Variants in CNTN4 observed in about 807,000 individuals in gnomAD.
The protein encoded by CNTN4 is contactin 4, also known as contactin-4.
Under a neutral mutation model 122.5 loss-of-function variants are expected in CNTN4, and 77 were observed. The ratio of observed to expected loss-of-function variants is 0.63; its 90% CI spans 0.52 to 0.76. The LOEUF is 0.76. CNTN4 is among the 30% of genes least tolerant of loss of function. The pLI, the probability that CNTN4 is intolerant of heterozygous loss-of-function variation, is 0.00. For missense variants in CNTN4, 1,256 were observed against 1,259.1 expected, an observed-to-expected ratio of 1.00 and a Z score of 0.04; for synonymous variants, 512 against 447.0, an observed-to-expected ratio of 1.15 and a Z score of -1.83.
intron 7 of CNTN4, among the ~76,000 whole-genome samples, chr3:2,834,138 C>A (rs12634283): frequency 6.6e-6 from 1 of 151,686 alleles, no homozygotes; most frequent in South Asian, 2.1e-4. Context: ...AGCAAGACTT[C>A]GTCTCAAAAA....
intron 14 of CNTN4, among the ~76,000 whole-genome samples, chr3:3,018,536 G>C (rs539986173): frequency 1.9e-4 from 29 of 152,304 alleles, no homozygotes; most frequent in Non-Finnish European, 3.4e-4. Flanking sequence ...TGGAGACATG[G>C]CTGTGGGTGG....
intron 4 of CNTN4, among the ~76,000 whole-genome samples, chr3:2,706,969 T>G (rs1462630118): frequency 6.6e-6 from 1 of 151,484 alleles, no homozygotes; most frequent in East Asian, 1.9e-4. Context: ...AGCACTAGAT[T>G]ATGTGTATGT....
intron 4 of CNTN4, among the ~76,000 whole-genome samples, chr3:2,587,488 C>G (rs1184740799): frequency 1.3e-5 from 2 of 152,170 alleles, no homozygotes; most frequent in African/African-American, 4.8e-5. Flanking sequence ...TTTAGTTCTT[C>G]AGCAGGGTTC....
At chr3:2,963,538 C>T (rs1302401503) in intron 13 of CNTN4, among the ~76,000 whole-genome samples, 1 of 152,164 alleles carries the variant, frequency 6.6e-6, no homozygotes, top group African/African-American at 2.4e-5. Flanking sequence ...TCCTTAGGGC[C>T]TTTGCACTTG....
At chr3:3,036,424 C>T (rs1699610770) in intron 17 of CNTN4, among the ~76,000 whole-genome samples, 1 of 152,110 alleles carries the variant, frequency 6.6e-6, no homozygotes, top group South Asian at 2.1e-4. Context: ...CTCTATACAT[C>T]TTCATTTTCC....
intron 2 of CNTN4, among the ~76,000 whole-genome samples, chr3:2,101,933 TTCA>T (rs1227684110): frequency 6.6e-6 from 1 of 152,220 alleles, no homozygotes; most frequent in African/African-American, 2.4e-5. Context: ...TGCTCTGCTG[TTCA>T]TCATCTCTGA....
rs756588728 is a variant in CNTN4, at chr3:3,040,176, A to C, written c.2303A>C (p.His768Pro). The C allele has an allele frequency of 3.1e-6, 5 of 1,614,180 alleles. No individual in the cohort carries two copies. Among genetic ancestry groups the C allele is most frequent in the Admixed American group, 3.3e-5 (2 of 60,024 alleles). ...TACGTGTTCAGGAATGAGAGCGTGC[A>C]CCCCTTCTCTCCCTTTGAGGTTAAA... ...SRYVFRNESV[H>P]PFSPFEVKVG... The change falls in exon 20 of 25, where the codon CAC (histidine) becomes CCC (proline). Residue 768 changes from histidine (H) to proline (P), a missense_variant. Transcript: ENST00000418658.
At chr3:2,357,222 C>T (rs1029122956) in intron 3 of CNTN4, among the ~76,000 whole-genome samples, 1 of 152,302 alleles carries the variant, frequency 6.6e-6, no homozygotes, top group Non-Finnish European at 1.5e-5. Context: ...ATACTGTTTT[C>T]ATATCCAGAA....
chr3:2,965,695 C>G (rs1692234602), intron 13 of CNTN4, among the ~76,000 whole-genome samples: 2 of 152,104 alleles, frequency 1.3e-5, no homozygotes, highest in Admixed American at 1.3e-4. Flanking sequence ...AGTTCTTATC[C>G]TGGGATAAAG....
intron 3 of CNTN4, among the ~76,000 whole-genome samples, chr3:2,442,832 G>A (rs572821191): frequency 6.6e-6 from 1 of 152,132 alleles, no homozygotes; most frequent in South Asian, 2.1e-4. Flanking sequence ...GTTAATGAGA[G>A]TGCATCTGTT....
At chr3:2,519,559 G>A (rs939449681) in intron 3 of CNTN4, among the ~76,000 whole-genome samples, 1 of 152,060 alleles carries the variant, frequency 6.6e-6, no homozygotes, top group Non-Finnish European at 1.5e-5. Context: ...AACTCTATTG[G>A]CAGCCAGATA....
At chr3:2,581,271 C>T (rs1257283554) in intron 4 of CNTN4, among the ~76,000 whole-genome samples, 5 of 152,180 alleles carry the variant, frequency 3.3e-5, no homozygotes, top group Admixed American at 6.5e-5. Context: ...AAAGCTATAC[C>T]TTAAGTACTC....
chr3:2,576,043 G>T (rs908947071), intron 4 of CNTN4, among the ~76,000 whole-genome samples: 1 of 152,044 alleles, frequency 6.6e-6, no homozygotes, highest in Middle Eastern at 3.4e-3. Flanking sequence ...CACCATGTTA[G>T]CCAGGATGGT....
intron 10 of CNTN4, among the ~76,000 whole-genome samples, chr3:2,891,018 C>A (rs971521334): frequency 2.0e-5 from 3 of 151,954 alleles, no homozygotes; most frequent in Non-Finnish European, 4.4e-5. Flanking sequence ...TATTGCCTAC[C>A]ATGTGGGAGA....
At chr3:2,333,173 A>G (rs1178534) in intron 2 of CNTN4, among the ~76,000 whole-genome samples, 43,115 of 152,060 alleles carry the variant, frequency 0.28, 6,622 homozygotes, top group Admixed American at 0.38. Context: ...GCTGTTCTCA[A>G]TCCCCTCCCT....
In CNTN4 at chr3:2,853,899, G is replaced by T. The variant is rs188495802; in HGVS notation, c.455-12853G>T. Among the ~76,000 whole-genome samples, 933 of 152,282 alleles carry T rather than the reference G, an allele frequency of 6.1e-3. 9 individuals carry two copies. The highest frequency in any genetic ancestry group is 0.021 in the African/African-American group (883 of 41,548). ...TCACTCCCATCTCTATGCTGGCCTT[G>T]GGGGAATGATGACTGCCGTTCCCCA... On this transcript the variant is annotated intron_variant, in intron 7 of 24. Coordinates refer to ENST00000418658, the MANE Select transcript of CNTN4 (RefSeq NM_175607.3).
intron 2 of CNTN4, among the ~76,000 whole-genome samples, chr3:2,118,002 C>G (rs1022548125): frequency 3.9e-5 from 6 of 151,956 alleles, no homozygotes; most frequent in African/African-American, 1.2e-4. Context: ...AAAAAACACC[C>G]CAGCTATTAC....
rs531898086 is a variant in CNTN4 at position 2,565,289 on chromosome 3, A to G, written c.-88-6127A>G. The stretch of plus-strand genomic sequence containing the variant: ...GCTTGGGACAAATAATCTAATGATA[A>G]AAACCAATTAACACATATTTTCTCA... On this transcript the variant is annotated intron_variant, in intron 3 of 24. Transcript: ENST00000418658. Among the ~76,000 whole-genome samples the G allele has an allele frequency of 6.6e-5, 10 of 152,314 alleles. No individual in the cohort carries two copies. In the South Asian group the frequency reaches 1.7e-3, roughly 25 times the overall value.
intron 3 of CNTN4, among the ~76,000 whole-genome samples, chr3:2,530,101 A>G (rs553796384): frequency 6.6e-6 from 1 of 152,260 alleles, no homozygotes; most frequent in African/African-American, 2.4e-5. Flanking sequence ...GATTTTCAGA[A>G]ATCTTGTAAT....
Sources: gnomAD v4.1 joint callset for allele counts (sites outside exome capture counted in the v4.1 genomes callset) on GRCh38, gnomAD v4.1.1 for gene constraint, MANE v1.5 for transcripts, NCBI Gene and HGNC (gene_info 2026-07-23, HGNC 2026-07-21) for gene names.